TTC1: variants seen among roughly 807,000 people sequenced by gnomAD.
TTC1 encodes the protein tetratricopeptide repeat protein 1.
A neutral mutation model predicts 37.6 loss-of-function variants in TTC1; 31 were observed. The observed-to-expected ratio is 0.82, with a 90% CI of 0.62 to 1.11. TTC1 has a LOEUF of 1.11. Among genes scored for constraint, TTC1 ranks in the 50% most tolerant of loss-of-function variants. The pLI is 0.00. For synonymous variants in TTC1, 127 were observed against 122.4 expected, an observed-to-expected ratio of 1.04 and a Z score of -0.25; for missense variants, 351 against 339.0, an observed-to-expected ratio of 1.04 and a Z score of -0.28.
intron 6 of TTC1, 139 bp downstream of exon 6, chr5:160,049,801 G>A (rs902038921): frequency 2.7e-6 from 2 of 739,690 alleles, no homozygotes; most frequent in Non-Finnish European, 4.0e-6. Context: ...TGGGAGGCCA[G>A]GCGCAGTGGC....
chr5:160,019,770 A>C (rs1756673450), intron 2 of TTC1, among the ~76,000 whole-genome samples: 1 of 151,262 alleles, frequency 6.6e-6, no homozygotes. Context: ...TTTTTACTAG[A>C]GACTGGGTTT....
intron 2 of TTC1, among the ~76,000 whole-genome samples, chr5:160,020,169 T>G (rs1218090865): frequency 6.6e-6 from 1 of 152,172 alleles, no homozygotes; most frequent in Non-Finnish European, 1.5e-5. Flanking sequence ...CCTCAAGTGA[T>G]CCGCCCGCCC....
At chr5:160,064,868 A>C in intron 7 of TTC1, 64 bp from the exon 8 acceptor site, 1 of 1,529,006 alleles carries the variant, frequency 6.5e-7, no homozygotes, top group Non-Finnish European at 8.9e-7. Flanking sequence ...AGGCAAGATT[A>C]ATTGGTACCT....
rs1757347229 is a variant in TTC1 at position 160,049,591 on chromosome 5, G to A, written c.619G>A (p.Glu207Lys). Reference sequence around the variant, plus strand: ...GTATGAGAAGACGGACAAGCTAGATGAAGCCCTGGAAGACTATAAATCTAT... The same window carrying A: ...GTATGAGAAGACGGACAAGCTAGATAAAGCCCTGGAAGACTATAAATCTAT... ...ELYEKTDKLDEALEDYKSILE... is the reference protein window; with the variant it reads ...ELYEKTDKLDKALEDYKSILE... The change falls in exon 6 of 8, where the codon GAA (glutamate) becomes AAA (lysine). Residue 207 changes from glutamate to lysine, a missense_variant. By Grantham distance (56) the Glu-to-Lys change is moderately conservative. Transcript: ENST00000231238. 2.5e-6 allele frequency: 4 copies of A among 1,612,340 alleles called. No individual in the cohort carries two copies. The South Asian group carries it at 3.3e-5, about 13-fold the overall frequency.
At chr5:160,012,374 T>C (rs1756519149) in intron 2 of TTC1, among the ~76,000 whole-genome samples, 1 of 152,060 alleles carries the variant, frequency 6.6e-6, no homozygotes, top group South Asian at 2.1e-4. Flanking sequence ...TATGATTTTT[T>C]TTTTTTTTAA....
chr5:160,050,512 T>C (rs1757373995), intron 6 of TTC1, among the ~76,000 whole-genome samples: 1 of 152,088 alleles, frequency 6.6e-6, no homozygotes. Context: ...ACTGTAAACA[T>C]CTGATATGTA....
intron 7 of TTC1, among the ~76,000 whole-genome samples, chr5:160,062,395 C>G (rs1753443269): frequency 1.3e-5 from 2 of 152,176 alleles, no homozygotes; most frequent in Admixed American, 1.3e-4. Flanking sequence ...CTATTCCCAT[C>G]CCCCGGAGCA....
chr5:160,043,255 A>G (rs902912768), intron 5 of TTC1, 86 bp downstream of exon 5: 1 of 1,412,744 alleles, frequency 7.1e-7, no homozygotes, highest in Non-Finnish European at 9.8e-7. Context: ...GCACTTGTAC[A>G]TGTGTACCCT....
In TTC1 at chr5:160,024,294, A is replaced by T. The variant is rs1227589946; in HGVS notation, c.331-10846A>T. On this transcript the variant is annotated intron_variant, in intron 2 of 7. Transcript: ENST00000231238. ...TTTGAAATAACATTTTTCAGAAAGT[A>T]GCAAAAAATAGATTCCAGCTTCCCT... Among the ~76,000 whole-genome samples the T allele has an allele frequency of 3.9e-5, 6 of 152,238 alleles. No individual in the cohort carries two copies. In the South Asian group the frequency reaches 1.2e-3, roughly 32 times the overall value.
intron 2 of TTC1, among the ~76,000 whole-genome samples, chr5:160,018,851 A>G (rs1180472637): frequency 2.0e-5 from 3 of 152,178 alleles, no homozygotes; most frequent in Non-Finnish European, 4.4e-5. Flanking sequence ...TGAACTGTGG[A>G]TCTGAAGAGA....
rs187769667 is a variant in TTC1 at position 160,058,479 on chromosome 5, C to T, written c.746-6453C>T. ...AGGCTGGAGTGCAGTGGTGCGATCT[C>T]GGCTCAGTGCAAGCTCCGCCTCCTG... On this transcript the variant is annotated intron_variant, in intron 7 of 7. Coordinates refer to ENST00000231238, the MANE Select transcript of TTC1 (RefSeq NM_003314.3). Among the ~76,000 whole-genome samples, 418 of 147,816 alleles carry T rather than the reference C, an allele frequency of 2.8e-3. 3 individuals carry two copies. The highest frequency in any genetic ancestry group is 9.4e-3 in the African/African-American group (377 of 39,912).
chr5:160,010,859 G>GT lies in TTC1; in HGVS notation c.330+2dup, dbSNP rs773655875. The GT allele has an allele frequency of 6.2e-7, 1 of 1,609,916 alleles. No homozygotes were observed. The highest frequency in any genetic ancestry group is 1.1e-5 in the South Asian group (1 of 90,886). On this transcript the variant is annotated splice_donor_variant, in intron 2 of 7. Transcript: ENST00000231238. LOFTEE classifies it high-confidence loss of function. ...AAACATGTCGGATGAAGAGAAACAG[G>GT]TAAGTATTTTATTTATTGTGCAAGA...
intron 2 of TTC1, among the ~76,000 whole-genome samples, chr5:160,020,030 G>A (rs954700194): frequency 9.9e-5 from 15 of 151,826 alleles, no homozygotes; most frequent in Non-Finnish European, 1.9e-4. Context: ...CCAGGTTCAA[G>A]TGATTCTCCT....
rs1394987613 is a variant in TTC1 at position 160,057,561 on chromosome 5, A to G, written c.745+6378A>G. ...CTGATCAGGTTGGTAGTTGCTAAAC[A>G]TTGGGGTGTCTGTGGCAGTATCTTT... On this transcript the variant is annotated intron_variant, in intron 7 of 7. Coordinates refer to ENST00000231238, the MANE Select transcript of TTC1 (RefSeq NM_003314.3). The surrounding 1 kb of genome is among the most constrained non-coding windows in gnomAD (Gnocchi z 4.4). Among the ~76,000 whole-genome samples the G allele has an allele frequency of 6.6e-6, 1 of 152,178 alleles. No homozygotes were observed. Among genetic ancestry groups the G allele is most frequent in the Non-Finnish European group, 1.5e-5 (1 of 68,030 alleles).
rs181419543 is a variant in TTC1 at position 160,049,907 on chromosome 5, A to G, written c.690+245A>G. On this transcript the variant is annotated intron_variant, in intron 6 of 7. Coordinates refer to ENST00000231238, the MANE Select transcript of TTC1 (RefSeq NM_003314.3). The stretch of plus-strand genomic sequence containing the variant: ...AGCCTGGCCAACACAACAAAACCCC[A>G]TCTCTTCTAAAAATACAAAAAATTA... 1.2e-4 allele frequency among the ~76,000 whole-genome samples: 18 copies of G among 151,288 alleles called. No individual in the cohort carries two copies. In the East Asian group the frequency reaches 3.5e-3, roughly 30 times the overall value.
chr5:160,031,814 C>T (rs1411711497), intron 2 of TTC1, among the ~76,000 whole-genome samples: 7 of 151,776 alleles, frequency 4.6e-5, no homozygotes, highest in Admixed American at 4.6e-4. Flanking sequence ...CCAACCTGGC[C>T]AACACAGTAA....
At chr5:160,049,786 A>G in intron 6 of TTC1, 124 bp downstream of exon 6, 2 of 898,378 alleles carry the variant, frequency 2.2e-6, no homozygotes, top group Admixed American at 7.3e-5. Context: ...GCTTATCAAG[A>G]TATATGGGAG....
chr5:160,030,222 T>A (rs1756885836), intron 2 of TTC1, among the ~76,000 whole-genome samples: 2 of 151,972 alleles, frequency 1.3e-5, no homozygotes, highest in South Asian at 4.1e-4. Context: ...TGTTAGAGAA[T>A]TAGGAGGAGG....
intron 7 of TTC1, among the ~76,000 whole-genome samples, chr5:160,060,177 G>A (rs1757659850): frequency 6.6e-6 from 1 of 152,180 alleles, no homozygotes; most frequent in African/African-American, 2.4e-5. Context: ...AGAGGAGAAA[G>A]TCCCAAAGGA....
Sources: gnomAD v4.1 joint callset for allele counts (sites outside exome capture counted in the v4.1 genomes callset) on GRCh38, gnomAD v4.1.1 for gene constraint, Gnocchi (gnomAD v3.1) non-coding constraint, MANE v1.5 for transcripts, NCBI Gene and HGNC (gene_info 2026-07-23, HGNC 2026-07-21) for gene names.